The following ETV6 variants were observed in gnomAD, a reference collection of about 807,000 sequenced individuals.
The protein encoded by ETV6 is transcription factor ETV6.
In ETV6, 16 loss-of-function variants were observed where a neutral mutation model predicts 51.1. That is an observed-to-expected ratio of 0.31 (90% CI 0.21 to 0.48). The LOEUF is 0.48. Among genes scored for constraint, ETV6 ranks in the 20% least tolerant of loss-of-function variants. The pLI is 0.99. For missense variants in ETV6, 458 were observed against 594.8 expected (o/e 0.77, Z 2.39); for synonymous variants, 240 against 224.1 (o/e 1.07, Z -0.64).
At chr12:11,765,472 T>A (rs1306621444) in intron 2 of ETV6, among the ~76,000 whole-genome samples, 1 of 152,074 alleles carries the variant, frequency 6.6e-6, no homozygotes, top group Non-Finnish European at 1.5e-5. Flanking sequence ...TTTTTTTTTT[T>A]AATGAAGTGA....
At chr12:11,650,514 A>AAAAC (rs1863884480) in intron 1 of ETV6, among the ~76,000 whole-genome samples, 2 of 150,234 alleles carry the variant, frequency 1.3e-5, no homozygotes, top group Admixed American at 6.6e-5. Flanking sequence ...AAAAAAAAAA[A>AAAAC]ACCTGCTCCC....
At chr12:11,760,641 A>G (rs1945070773) in intron 2 of ETV6, among the ~76,000 whole-genome samples, 1 of 152,206 alleles carries the variant, frequency 6.6e-6, no homozygotes, top group Non-Finnish European at 1.5e-5. Context: ...GCTCTGATTG[A>G]GAAGTATCAT....
At chr12:11,868,361 A>G (rs1946822149) in intron 4 of ETV6, among the ~76,000 whole-genome samples, 1 of 151,764 alleles carries the variant, frequency 6.6e-6, no homozygotes, top group South Asian at 2.1e-4. Context: ...TCATCTGTAA[A>G]ATAGGGGTAC....
chr12:11,760,923 T>A (rs1945077352), intron 2 of ETV6, among the ~76,000 whole-genome samples: 1 of 106,710 alleles, frequency 9.4e-6, no homozygotes, highest in Non-Finnish European at 2.4e-5. Context: ...TAAAAGTATA[T>A]GTGTGTGTGT....
chr12:11,689,679 T>C lies in ETV6; in HGVS notation c.33+39519T>C, dbSNP rs77162479. On this transcript the variant is annotated intron_variant, in intron 1 of 7. Transcript: ENST00000396373. ...GGTTAGGGGCTTGGTTTGAGGATGT[T>C]TGGGGAAGCGGGAGCTTTCTGCCAT... Among the ~76,000 whole-genome samples the C allele has an allele frequency of 3.0e-3, 455 of 152,198 alleles. 1 individual carries two copies. The highest frequency in any genetic ancestry group is 9.9e-3 in the African/African-American group (411 of 41,532).
chr12:11,885,164 G>A (rs1030101469), intron 6 of ETV6, among the ~76,000 whole-genome samples: 1 of 152,210 alleles, frequency 6.6e-6, no homozygotes, highest in Non-Finnish European at 1.5e-5. Flanking sequence ...GTAAAAAGCG[G>A]GTAACCGTGA....
intron 7 of ETV6, among the ~76,000 whole-genome samples, chr12:11,886,328 T>C (rs1947182746): frequency 6.6e-6 from 1 of 152,180 alleles, no homozygotes; most frequent in South Asian, 2.1e-4. Flanking sequence ...AAGCACAAAG[T>C]CAATGGCAAA....
At chr12:11,882,966 A>G (rs1048535882) in intron 5 of ETV6, among the ~76,000 whole-genome samples, 4 of 152,206 alleles carry the variant, frequency 2.6e-5, no homozygotes, top group Middle Eastern at 3.2e-3. Context: ...AGTTATTTCA[A>G]CCTCTCTGAG....
At chr12:11,734,516 CAAAAAAAAAAAAGAA>C (rs1865665298) in intron 1 of ETV6, among the ~76,000 whole-genome samples, 1 of 68,532 alleles carries the variant, frequency 1.5e-5, no homozygotes. Context: ...CTGAGATGAG[CAAAAAAAAAAAAGAA>C]AAAAAAAAAA....
rs190254317 is a variant in ETV6 at position 11,851,353 on chromosome 12, T to G, written c.329-2074T>G. Among the ~76,000 whole-genome samples the G allele has an allele frequency of 5.1e-4, 78 of 152,264 alleles. 1 individual carries two copies. The highest frequency in any genetic ancestry group is 6.5e-4 in the Admixed American group (10 of 15,298). ...CCAGCAAGTGTGAGGCCCTGTAAAT[T>G]AGCAAAAGTTCAGGAAGTCATTACA... On this transcript the variant is annotated intron_variant, in intron 3 of 7. Transcript: ENST00000396373.
chr12:11,752,720 C>A, intron 2 of ETV6, 141 bp downstream of exon 2: 2 of 1,004,404 alleles, frequency 2.0e-6, no homozygotes, highest in Non-Finnish European at 1.4e-6. Flanking sequence ...ATCTTTCACA[C>A]CCCCCTACCC....
At chr12:11,743,149 G>T (rs1865841483) in intron 1 of ETV6, among the ~76,000 whole-genome samples, 1 of 152,014 alleles carries the variant, frequency 6.6e-6, no homozygotes, top group African/African-American at 2.4e-5. Context: ...ACAAAGGCTG[G>T]GTATTGTTAT....
intron 4 of ETV6, among the ~76,000 whole-genome samples, chr12:11,858,583 TC>T (rs1489314521): frequency 6.6e-6 from 1 of 152,096 alleles, no homozygotes; most frequent in African/African-American, 2.4e-5. Context: ...AGGAGCAAGA[TC>T]CGGATTTCTC....
In ETV6 at chr12:11,650,004, A is replaced by C; in HGVS notation, c.-124A>C. 96 of 894,886 alleles carry C rather than the reference A, an allele frequency of 1.1e-4. No homozygotes were observed. The highest frequency in any genetic ancestry group is 1.6e-4 in the Non-Finnish European group (87 of 547,282). 55.4% of individuals were successfully genotyped at this position (894,886 alleles called of 1,614,324 possible). ...CCAGACCCCCGGGGCGGCTGCCGGG[A>C]GAGATGCTGGAAGAAACTTCTTAAA... is the stretch of plus-strand genomic sequence containing the variant. On this transcript the variant is annotated 5_prime_UTR_variant, in exon 1 of 8. Transcript: ENST00000396373.
chr12:11,791,456 ATTG>A (rs1432029648), intron 2 of ETV6, among the ~76,000 whole-genome samples: 8 of 152,214 alleles, frequency 5.3e-5, no homozygotes, highest in Non-Finnish European at 1.2e-4. Flanking sequence ...GTCCATTGAA[ATTG>A]TTGTCACTAT....
intron 3 of ETV6, among the ~76,000 whole-genome samples, chr12:11,839,849 C>T (rs571565675): frequency 1.3e-5 from 2 of 152,280 alleles, no homozygotes; most frequent in Admixed American, 6.5e-5. Flanking sequence ...CACTGCACTC[C>T]AGCCCAGGTG....
At chr12:11,842,834 A>G (rs1946410409) in intron 3 of ETV6, among the ~76,000 whole-genome samples, 1 of 152,200 alleles carries the variant, frequency 6.6e-6, no homozygotes, top group African/African-American at 2.4e-5. Flanking sequence ...TGGATCAGTG[A>G]GATCAAAATA....
At chr12:11,856,885 A>T (rs1946640583) in intron 4 of ETV6, among the ~76,000 whole-genome samples, 1 of 152,252 alleles carries the variant, frequency 6.6e-6, no homozygotes, top group Admixed American at 6.5e-5. Flanking sequence ...ATTTTACATA[A>T]CTGGGAATAC....
chr12:11,725,371 T>TTA (rs2120947031), intron 1 of ETV6, among the ~76,000 whole-genome samples: 1 of 152,326 alleles, frequency 6.6e-6, no homozygotes, highest in South Asian at 2.1e-4. Flanking sequence ...TTTGCTTTAA[T>TTA]AAATTTTGAC....
Sources: allele counts gnomAD v4.1 joint callset (sites outside exome capture counted in the v4.1 genomes callset), GRCh38; gene constraint gnomAD v4.1.1; transcripts MANE v1.5; gene names NCBI Gene and HGNC (gene_info 2026-07-23, HGNC 2026-07-21).